Variants in SFMBT1 observed in about 807,000 individuals in gnomAD.
SFMBT1 encodes the protein Scm like with four mbt domains 1.
A neutral mutation model predicts 108.7 loss-of-function variants in SFMBT1; 32 were observed. The ratio of observed to expected loss-of-function variants is 0.29; its 90% CI spans 0.22 to 0.40. The LOEUF is 0.40. SFMBT1 is among the 10% of genes least tolerant of loss of function. The pLI, the probability that SFMBT1 is intolerant of heterozygous loss-of-function variation, is 1.00. For missense variants in SFMBT1, 816 were observed against 1,059.6 expected (o/e 0.77, Z 3.19); for synonymous variants, 348 against 369.5 (o/e 0.94, Z 0.67).
intron 1 of SFMBT1, among the ~76,000 whole-genome samples, chr3:53,006,755 A>T (rs1698758374): frequency 6.6e-6 from 1 of 152,220 alleles, no homozygotes; most frequent in Non-Finnish European, 1.5e-5. Flanking sequence ...TCCCCTGCAA[A>T]CACCAAGGGA....
At chr3:52,928,041 C>A (rs1052229965) in intron 9 of SFMBT1, 150 bp downstream of exon 9, 1 of 927,434 alleles carries the variant, frequency 1.1e-6, no homozygotes, top group Non-Finnish European at 1.6e-6. Flanking sequence ...GGAATCTAGA[C>A]CTTTCCTTAT....
chr3:52,961,321 C>T (rs554701082), intron 2 of SFMBT1, among the ~76,000 whole-genome samples: 3 of 152,118 alleles, frequency 2.0e-5, no homozygotes, highest in African/African-American at 7.2e-5. Context: ...AACAGGTATA[C>T]CTTTCCATTT....
intron 1 of SFMBT1, among the ~76,000 whole-genome samples, chr3:53,016,835 T>C (rs1699142692): frequency 6.6e-6 from 1 of 152,216 alleles, no homozygotes; most frequent in Non-Finnish European, 1.5e-5. Flanking sequence ...TTTTGCCTCT[T>C]ATTTTAAGAA....
intron 1 of SFMBT1, chr3:53,018,211 G>C (rs1431933772): frequency 1.3e-5 from 2 of 151,772 alleles, no homozygotes; most frequent in African/African-American, 4.8e-5. Flanking sequence ...CAGCCTGGGC[G>C]ACAGAGCAAG....
At chr3:52,963,061 T>C (rs1050622648) in intron 2 of SFMBT1, among the ~76,000 whole-genome samples, 1 of 151,078 alleles carries the variant, frequency 6.6e-6, no homozygotes, top group Non-Finnish European at 1.5e-5. Context: ...TGGTGCGATC[T>C]CGGCTCACTG....
chr3:52,972,857 C>T (rs549168733), intron 1 of SFMBT1, among the ~76,000 whole-genome samples: 208 of 150,324 alleles, frequency 1.4e-3, no homozygotes, highest in African/African-American at 5.0e-3. Flanking sequence ...CACACACACA[C>T]ACACACACAC....
intron 12 of SFMBT1, 152 bp from the exon 13 acceptor site, chr3:52,918,678 T>C (rs746429704): frequency 3.6e-5 from 12 of 333,672 alleles, no homozygotes; most frequent in Admixed American, 1.1e-4. Flanking sequence ...TATATACACA[T>C]ATATATAGTA....
chr3:52,912,684 A>G, intron 15 of SFMBT1, 37 bp from the exon 16 acceptor site: 2 of 1,479,600 alleles, frequency 1.4e-6, no homozygotes, highest in Non-Finnish European at 1.9e-6. Flanking sequence ...CAGATTGGGA[A>G]GGAGAAAAGC....
chr3:52,962,426 T>C (rs1703990835), intron 2 of SFMBT1, among the ~76,000 whole-genome samples: 1 of 152,230 alleles, frequency 6.6e-6, no homozygotes, highest in Non-Finnish European at 1.5e-5. Context: ...CTCTATATAC[T>C]GATGTGGAAT....
chr3:52,961,578 G>A (rs1350296528), intron 2 of SFMBT1, among the ~76,000 whole-genome samples: 1 of 152,086 alleles, frequency 6.6e-6, no homozygotes, highest in Non-Finnish European at 1.5e-5. Flanking sequence ...AAAGGTGAAA[G>A]TGGTAAATTT....
intron 2 of SFMBT1, among the ~76,000 whole-genome samples, chr3:52,963,088 G>A (rs1704019336): frequency 6.6e-6 from 1 of 151,796 alleles, no homozygotes; most frequent in African/African-American, 2.4e-5. Flanking sequence ...CCACCTCCTG[G>A]GTACAAGAGG....
intron 3 of SFMBT1, among the ~76,000 whole-genome samples, chr3:52,944,993 G>A (rs924972926): frequency 2.6e-5 from 4 of 151,482 alleles, no homozygotes; most frequent in African/African-American, 4.8e-5. Context: ...CTGTAGAGAC[G>A]GGGTTTTGCC....
At chr3:52,910,826 A>C (rs930745093) in intron 17 of SFMBT1, among the ~76,000 whole-genome samples, 177 bp downstream of exon 17, 2 of 152,258 alleles carry the variant, frequency 1.3e-5, no homozygotes, top group Non-Finnish European at 2.9e-5. Context: ...AACACATAGA[A>C]AAAGAATATG....
chr3:52,969,216 CA>C lies in SFMBT1; in HGVS notation c.-89del, dbSNP rs1553639426. On this transcript the variant is annotated 5_prime_UTR_variant, in exon 2 of 21. The change abolishes the stop of an existing upstream ORF in the 5' untranslated region. Coordinates refer to ENST00000394752, the MANE Select transcript of SFMBT1 (RefSeq NM_016329.4). ...GGATCTGAAGATTACTTGCAGGTTT[CA>C]AGCATCTGTTCAATGGGTATCCACG... 8.8e-6 allele frequency: 14 copies of C among 1,591,980 alleles called. No individual in the cohort carries two copies. Among genetic ancestry groups the C allele is most frequent in the Non-Finnish European group, 1.1e-5 (13 of 1,173,146 alleles).
At chr3:52,949,507 A>G (rs1040277933) in intron 3 of SFMBT1, among the ~76,000 whole-genome samples, 3 of 147,352 alleles carry the variant, frequency 2.0e-5, no homozygotes, top group Admixed American at 6.8e-5. Flanking sequence ...AGATGCATAC[A>G]TTTTAAGGAC....
At position 52,930,418 on chromosome 3, in the gene SFMBT1, T is replaced by C; in HGVS notation, c.808A>G (p.Ile270Val). The C allele has an allele frequency of 6.2e-7, 1 of 1,610,770 alleles. No individual in the cohort carries two copies. The highest frequency in any genetic ancestry group is 1.1e-5 in the South Asian group (1 of 91,018). The stretch of plus-strand genomic sequence containing the variant: ...TTTACAGAGAATGTATGAATGCCAA[T>C]AACTTGTTTGTCCTGAAATGCAGAC... ...PSYLFKDKQV[I>V]GIHTFSVNMK... The change falls in exon 8 of 21, where the codon ATT becomes GTT. Residue 270 changes from isoleucine (I) to valine (V), a missense_variant. Ile to Val is a conservative substitution (Grantham distance 29). Around this residue, in one of 5 missense-constraint regions of SFMBT1, gnomAD observed 495 missense variants for 607.4 expected, o/e 0.81. Transcript: ENST00000394752.
At chr3:52,967,252 T>G (rs955058076) in intron 2 of SFMBT1, among the ~76,000 whole-genome samples, 4 of 152,174 alleles carry the variant, frequency 2.6e-5, no homozygotes, top group Non-Finnish European at 4.4e-5. Context: ...CCAAAATTTT[T>G]AAAAATTAGT....
chr3:52,994,470 C>T (rs1319986950), intron 1 of SFMBT1, among the ~76,000 whole-genome samples: 2 of 150,246 alleles, frequency 1.3e-5, no homozygotes, highest in African/African-American at 4.8e-5. Flanking sequence ...TCTGATTGAG[C>T]TTCTAAACAC....
chr3:52,966,950 T>TTA (rs374164813), intron 2 of SFMBT1, among the ~76,000 whole-genome samples: 11,289 of 146,556 alleles, frequency 0.077, 522 homozygotes, highest in South Asian at 0.18. Flanking sequence ...TTGTGATAAG[T>TTA]TATATATATA....
Sources: allele counts gnomAD v4.1 joint callset (sites outside exome capture counted in the v4.1 genomes callset), GRCh38; gene constraint gnomAD v4.1.1; regional missense constraint gnomAD v4.1.1; transcripts MANE v1.5; gene names NCBI Gene and HGNC (gene_info 2026-07-23, HGNC 2026-07-21).